Variants in AGBL1 observed in about 807,000 individuals in gnomAD.
AGBL1 encodes the protein AGBL carboxypeptidase 1.
In AGBL1, 130 loss-of-function variants were observed where a neutral mutation model predicts 118.9. The observed-to-expected ratio is 1.09, with a 90% CI of 0.95 to 1.26. The LOEUF (loss-of-function observed/expected upper bound fraction) is 1.26. Ranked by LOEUF, AGBL1 falls within the 50% of genes most tolerant of loss-of-function variation. The pLI, the probability that AGBL1 is intolerant of heterozygous loss-of-function variation, is 0.00. For missense variants in AGBL1, 1,584 were observed against 1,298.1 expected, an observed-to-expected ratio of 1.22 and a Z score of -3.38; for synonymous variants, 555 against 478.9, an observed-to-expected ratio of 1.16 and a Z score of -2.08.
At chr15:86,875,165 T>C (rs890652693) in intron 22 of AGBL1, among the ~76,000 whole-genome samples, 1 of 152,144 alleles carries the variant, frequency 6.6e-6, no homozygotes, top group African/African-American at 2.4e-5. Flanking sequence ...CTGTAAATGC[T>C]AAGAATCTTT....
At chr15:86,266,343 C>G in intron 11 of AGBL1, 31 bp from the exon 12 acceptor site, 1 of 1,524,686 alleles carries the variant, frequency 6.6e-7, no homozygotes. Flanking sequence ...AGAAGGCCGA[C>G]CCTTAAAATG....
intron 18 of AGBL1, among the ~76,000 whole-genome samples, chr15:86,442,763 C>T (rs894793365): frequency 6.6e-6 from 1 of 152,174 alleles, no homozygotes; most frequent in Non-Finnish European, 1.5e-5. Context: ...GCAAGGGCTT[C>T]GTCATAGGCA....
intron 19 of AGBL1, among the ~76,000 whole-genome samples, chr15:86,545,144 T>C (rs985673126): frequency 6.6e-6 from 1 of 152,218 alleles, no homozygotes; most frequent in Non-Finnish European, 1.5e-5. Context: ...TTTTCCCCTC[T>C]ACCACAAGAG....
intron 5 of AGBL1, among the ~76,000 whole-genome samples, chr15:86,191,110 G>A (rs894924499): frequency 6.6e-6 from 1 of 152,004 alleles, no homozygotes; most frequent in Non-Finnish European, 1.5e-5. Flanking sequence ...TTGGGAGACT[G>A]AGGCGGGGGG....
chr15:86,458,365 G>T (rs867590478), intron 18 of AGBL1, among the ~76,000 whole-genome samples: 14 of 152,202 alleles, frequency 9.2e-5, no homozygotes, highest in Admixed American at 5.2e-4. Context: ...TTACATTCGT[G>T]TACCAAGAAT....
intron 22 of AGBL1, among the ~76,000 whole-genome samples, chr15:86,856,326 C>A (rs2079479251): frequency 6.6e-6 from 1 of 152,174 alleles, no homozygotes; most frequent in Non-Finnish European, 1.5e-5. Flanking sequence ...GCACAAATAT[C>A]CCCAATTGCT....
chr15:86,459,953 A>C (rs182299456), intron 18 of AGBL1, among the ~76,000 whole-genome samples: 77 of 152,248 alleles, frequency 5.1e-4, no homozygotes, highest in Non-Finnish European at 9.6e-4. Flanking sequence ...AAAAGTGAGG[A>C]AAAATTTAGG....
intron 18 of AGBL1, among the ~76,000 whole-genome samples, chr15:86,451,130 C>A (rs957904440): frequency 5.3e-5 from 8 of 152,242 alleles, no homozygotes; most frequent in Admixed American, 2.6e-4. Context: ...TTTTTGTATG[C>A]CTTGAGATTA....
intron 5 of AGBL1, among the ~76,000 whole-genome samples, chr15:86,188,442 A>G (rs191657609): frequency 2.7e-4 from 41 of 152,364 alleles, no homozygotes; most frequent in African/African-American, 9.4e-4. Flanking sequence ...GTCCAAATTC[A>G]TATTAGACTT....
intron 23 of AGBL1, among the ~76,000 whole-genome samples, chr15:86,921,288 C>T (rs537218737): frequency 6.6e-6 from 1 of 152,236 alleles, no homozygotes; most frequent in East Asian, 1.9e-4. Context: ...CTCCAGGCTC[C>T]TCAAGAAGAA....
intron 18 of AGBL1, among the ~76,000 whole-genome samples, chr15:86,478,637 CATGAAA>C (rs2082598401): frequency 2.6e-5 from 4 of 152,234 alleles, no homozygotes; most frequent in African/African-American, 9.6e-5. Flanking sequence ...GAATCAATAT[CATGAAA>C]ATGGCCATAC....
At chr15:86,477,158 C>T (rs548759894) in intron 18 of AGBL1, among the ~76,000 whole-genome samples, 2 of 152,030 alleles carry the variant, frequency 1.3e-5, no homozygotes, top group Non-Finnish European at 2.9e-5. Context: ...ACCCTAACAT[C>T]ACAATTGAAA....
chr15:86,377,016 T>C (rs2081050791), intron 17 of AGBL1, among the ~76,000 whole-genome samples: 2 of 152,176 alleles, frequency 1.3e-5, no homozygotes. Flanking sequence ...TGATCCTATC[T>C]ATATGGGAAA....
rs1391284897 is a variant in AGBL1 at position 86,476,837 on chromosome 15, C to T, written c.2556-45973C>T. On this transcript the variant is annotated intron_variant, in intron 18 of 22. Transcript: ENST00000614907. ...ATTGACCACATAGTTGGAAGTAAAG[C>T]ACTCCTCAGCAAAAGTAAAAGAACA... 3.7e-4 allele frequency among the ~76,000 whole-genome samples: 57 copies of T among 152,196 alleles called. 2 individuals carry two copies. The highest frequency in any genetic ancestry group is 3.7e-3 in the Admixed American group (56 of 15,280).
At chr15:86,192,254 A>G (rs1451363392) in intron 5 of AGBL1, among the ~76,000 whole-genome samples, 2 of 150,164 alleles carry the variant, frequency 1.3e-5, no homozygotes, top group Non-Finnish European at 3.0e-5. Flanking sequence ...TATATTAAAA[A>G]TATAGATCAT....
chr15:86,552,634 G>C (rs185558163), intron 20 of AGBL1, among the ~76,000 whole-genome samples: 3 of 152,286 alleles, frequency 2.0e-5, no homozygotes, highest in Admixed American at 2.0e-4. Flanking sequence ...ATAAGACACA[G>C]ACCTGCCCTC....
At chr15:87,028,022 C>T (rs1353254335) in intron 24 of AGBL1, among the ~76,000 whole-genome samples, 4 of 133,482 alleles carry the variant, frequency 3.0e-5, no homozygotes, top group Non-Finnish European at 6.2e-5. Context: ...ACATCCTGCG[C>T]ACATACACTG....
intron 22 of AGBL1, among the ~76,000 whole-genome samples, chr15:86,786,090 G>C (rs967547806): frequency 3.3e-5 from 5 of 152,130 alleles, no homozygotes; most frequent in Admixed American, 3.3e-4. Flanking sequence ...TTTTTTGAAA[G>C]TTTTTCTGGA....
chr15:86,245,403 C>T (rs745885473), intron 6 of AGBL1, among the ~76,000 whole-genome samples: 44 of 152,122 alleles, frequency 2.9e-4, no homozygotes, highest in Non-Finnish European at 4.7e-4. Flanking sequence ...TGGAGAGATG[C>T]GGTAGTGAGA....
Sources: allele counts gnomAD v4.1 joint callset (sites outside exome capture counted in the v4.1 genomes callset), GRCh38; gene constraint gnomAD v4.1.1; transcripts MANE v1.5; gene names NCBI Gene and HGNC (gene_info 2026-07-23, HGNC 2026-07-21).